NCKAP5: variants seen among roughly 807,000 people sequenced by gnomAD.
NCKAP5 encodes the protein NCK associated protein 5.
NCKAP5 carries 92 observed loss-of-function variants against 167.0 expected under a neutral mutation model. The observed-to-expected ratio is 0.55, with a 90% confidence interval of 0.47 to 0.66. The LOEUF (loss-of-function observed/expected upper bound fraction) is 0.66. NCKAP5 is among the 30% of genes least tolerant of loss of function. The pLI is 0.00. For synonymous variants in NCKAP5, 891 were observed against 877.4 expected, an observed-to-expected ratio of 1.02 and a Z score of -0.27; for missense variants, 2,378 against 2,315.0, an observed-to-expected ratio of 1.03 and a Z score of -0.56.
At chr2:132,802,907 G>C (rs1462329769) in intron 11 of NCKAP5, among the ~76,000 whole-genome samples, 1 of 152,142 alleles carries the variant, frequency 6.6e-6, no homozygotes, top group African/African-American at 2.4e-5. Context: ...ATCCCATCAA[G>C]AGAGATTGTG....
At chr2:133,278,191 C>A (rs1221796671) in intron 4 of NCKAP5, among the ~76,000 whole-genome samples, 4 of 152,096 alleles carry the variant, frequency 2.6e-5, no homozygotes, top group Non-Finnish European at 5.9e-5. Flanking sequence ...GCTGCTGTAA[C>A]AAATTATCGC....
At chr2:132,947,930 T>C (rs1697883182) in intron 8 of NCKAP5, among the ~76,000 whole-genome samples, 2 of 152,204 alleles carry the variant, frequency 1.3e-5, no homozygotes, top group Admixed American at 1.3e-4. Context: ...TTAACCCCAG[T>C]GCTGAGATAC....
intron 3 of NCKAP5, among the ~76,000 whole-genome samples, chr2:133,452,822 T>C (rs982129298): frequency 5.9e-5 from 9 of 152,260 alleles, no homozygotes; most frequent in Middle Eastern, 3.4e-3. Context: ...TGGGAAGCCA[T>C]GTGTGGCCTC....
At chr2:132,723,310 C>T (rs944077082) in intron 19 of NCKAP5, among the ~76,000 whole-genome samples, 1 of 151,776 alleles carries the variant, frequency 6.6e-6, no homozygotes, top group African/African-American at 2.4e-5. Context: ...ACTACAGGCG[C>T]CTGTCACCAC....
At chr2:133,596,266 G>A in the NCKAP5 span, 1 of 153,062 alleles carries the variant, frequency 6.5e-6, no homozygotes, top group Non-Finnish European at 1.5e-5. Flanking sequence ...AGGAGAACCA[G>A]TCTTTGGTCA....
At chr2:132,751,284 T>C (rs56852997) in intron 16 of NCKAP5, among the ~76,000 whole-genome samples, 96,736 of 151,888 alleles carry the variant, frequency 0.64, 32,814 homozygotes, top group African/African-American at 0.87. Context: ...CTCTTCTTTC[T>C]TCTCTTGCCA....
chr2:132,781,648 A>G (rs1340119337), intron 14 of NCKAP5, among the ~76,000 whole-genome samples: 1 of 152,196 alleles, frequency 6.6e-6, no homozygotes, highest in East Asian at 1.9e-4. Flanking sequence ...GGGTACATTC[A>G]TAGCTCCTAG....
chr2:133,668,006 T>C, the NCKAP5 span, among the ~76,000 whole-genome samples: 1 of 152,186 alleles, frequency 6.6e-6, no homozygotes, highest in African/African-American at 2.4e-5. Flanking sequence ...TTGCCTATTC[T>C]GAACATTTCA....
intron 8 of NCKAP5, among the ~76,000 whole-genome samples, chr2:132,942,324 G>C (rs745998262): frequency 6.6e-6 from 1 of 152,090 alleles, no homozygotes; most frequent in Non-Finnish European, 1.5e-5. Flanking sequence ...AAAATTTATT[G>C]CTGGCCACTG....
At chr2:133,264,004 C>A (rs1344765866) in intron 4 of NCKAP5, among the ~76,000 whole-genome samples, 1 of 152,140 alleles carries the variant, frequency 6.6e-6, no homozygotes, top group Non-Finnish European at 1.5e-5. Context: ...CACTTTCATC[C>A]CATTTTAGAT....
chr2:133,614,156 T>C, the NCKAP5 span, among the ~76,000 whole-genome samples: 3 of 152,126 alleles, frequency 2.0e-5, no homozygotes, highest in Non-Finnish European at 4.4e-5. Flanking sequence ...CTCCCTGAGA[T>C]ACCAAAAAAC....
intron 3 of NCKAP5, among the ~76,000 whole-genome samples, chr2:133,437,800 T>C (rs1690587870): frequency 6.6e-6 from 1 of 152,214 alleles, no homozygotes; most frequent in Admixed American, 6.5e-5. Context: ...TAAATAAGGA[T>C]GTTAAAAGTG....
At chr2:132,899,869 C>T (rs1033282703) in intron 8 of NCKAP5, among the ~76,000 whole-genome samples, 1 of 151,916 alleles carries the variant, frequency 6.6e-6, no homozygotes, top group Non-Finnish European at 1.5e-5. Context: ...AGTGAGACTC[C>T]ATCTCAAACA....
At chr2:133,303,320 G>C (rs538010371) in intron 3 of NCKAP5, among the ~76,000 whole-genome samples, 13 of 152,256 alleles carry the variant, frequency 8.5e-5, no homozygotes. Flanking sequence ...TCACAGAAGT[G>C]AACTGTCATT....
At chr2:133,486,168 G>A (rs1184910715) in intron 3 of NCKAP5, among the ~76,000 whole-genome samples, 1 of 152,196 alleles carries the variant, frequency 6.6e-6, no homozygotes, top group Non-Finnish European at 1.5e-5. Context: ...AGAGAACAGA[G>A]CACAGTTGGT....
intron 1 of NCKAP5, among the ~76,000 whole-genome samples, chr2:133,562,512 G>T (rs1412752612): frequency 6.6e-6 from 1 of 152,160 alleles, no homozygotes; most frequent in South Asian, 2.1e-4. Context: ...TTTATGGAGC[G>T]GTTTGTCAGA....
At position 132,996,735 on chromosome 2, in the gene NCKAP5, C is replaced by T. The variant is rs77740429; in HGVS notation, c.342-2496G>A. ...CAACTGTAGATAAAATACATACTCA[C>T]TAGACATTATTGTATGAATCCTTTG... On this transcript the variant is annotated intron_variant, in intron 6 of 19. Coordinates refer to ENST00000409261, the MANE Select transcript of NCKAP5 (RefSeq NM_207363.3). Among the ~76,000 whole-genome samples the T allele has an allele frequency of 2.6e-3, 403 of 152,330 alleles. 2 individuals are homozygous for T. The highest frequency in any genetic ancestry group is 8.9e-3 in the African/African-American group (369 of 41,572).
chr2:132,927,966 C>T (rs1474505897), intron 8 of NCKAP5, among the ~76,000 whole-genome samples: 2 of 152,110 alleles, frequency 1.3e-5, no homozygotes, highest in Non-Finnish European at 2.9e-5. Context: ...TTGTTTTCCC[C>T]TTTCACATGT....
intron 12 of NCKAP5, among the ~76,000 whole-genome samples, chr2:132,794,883 T>C (rs1684455714): frequency 6.6e-6 from 1 of 152,148 alleles, no homozygotes; most frequent in South Asian, 2.1e-4. Context: ...TGGAGAGACA[T>C]ATTAGTAGAG....
Sources: allele counts gnomAD v4.1 joint callset (sites outside exome capture counted in the v4.1 genomes callset), GRCh38; gene constraint gnomAD v4.1.1; transcripts MANE v1.5; gene names NCBI Gene and HGNC (gene_info 2026-07-23, HGNC 2026-07-21).